TEX11: variants seen among roughly 807,000 people sequenced by gnomAD.
TEX11 encodes testis-expressed protein 11.
A neutral mutation model predicts 84.4 loss-of-function variants in TEX11; 7 were observed. The ratio of observed to expected loss-of-function variants is 0.08; its 90% CI spans 0.05 to 0.16. TEX11 has a LOEUF of 0.16. TEX11 is among the 10% of genes least tolerant of loss of function. The pLI, the probability that TEX11 is intolerant of heterozygous loss-of-function variation, is 1.00. For missense variants in TEX11, 551 were observed against 660.5 expected (o/e 0.83, Z 1.82); for synonymous variants, 264 against 222.8 (o/e 1.18, Z -1.64).
chrX:70,650,684 T>A (rs1327482063), intron 17 of TEX11, among the ~76,000 whole-genome samples: 15 of 111,818 alleles, frequency 1.3e-4, no homozygotes. Context: ...CCTTTGTACG[T>A]AGTAGGTGTC....
At chrX:70,616,840 T>C (rs985059419) in intron 20 of TEX11, among the ~76,000 whole-genome samples, 2 of 110,912 alleles carry the variant, frequency 1.8e-5, no homozygotes, top group African/African-American at 6.6e-5. Context: ...ATTTAACTCA[T>C]GGAGATAGAG....
intron 9 of TEX11, among the ~76,000 whole-genome samples, chrX:70,772,466 A>T (rs2090977400): frequency 9.0e-6 from 1 of 110,758 alleles, no homozygotes; most frequent in African/African-American, 3.3e-5. Context: ...CCCAGCAGAT[A>T]TGGGAGGCTG....
At chrX:70,616,375 G>A (rs1013537186) in intron 20 of TEX11, among the ~76,000 whole-genome samples, 1 of 111,566 alleles carries the variant, frequency 9.0e-6, no homozygotes, top group African/African-American at 3.3e-5. Flanking sequence ...TAAGTCATCA[G>A]ATTAAAATAA....
chrX:70,903,345 C>G (rs1201584520), intron 2 of TEX11, among the ~76,000 whole-genome samples: 1 of 110,871 alleles, frequency 9.0e-6, no homozygotes. Context: ...AAACAACTGG[C>G]AGCACAGTAG....
chrX:70,720,419 AAT>A (rs1328229529), intron 13 of TEX11, among the ~76,000 whole-genome samples: 1 of 110,532 alleles, frequency 9.0e-6, no homozygotes, highest in Non-Finnish European at 1.9e-5. Context: ...ACCTAATGTA[AAT>A]GAGGAGTTAA....
chrX:70,584,284 C>T (rs1478795771), intron 25 of TEX11, among the ~76,000 whole-genome samples: 25 of 93,424 alleles, frequency 2.7e-4, no homozygotes, highest in African/African-American at 1.0e-3. Context: ...AGCGAGACTC[C>T]GTCTCAAAAA....
chrX:70,706,002 T>G (rs991704467), intron 13 of TEX11, among the ~76,000 whole-genome samples: 1 of 111,204 alleles, frequency 9.0e-6, no homozygotes, highest in African/African-American at 3.3e-5. Context: ...TAAAGACACA[T>G]GCACACATAT....
intron 25 of TEX11, among the ~76,000 whole-genome samples, chrX:70,570,204 A>C (rs1283452764): frequency 8.9e-6 from 1 of 111,739 alleles, no homozygotes; most frequent in Non-Finnish European, 1.9e-5. Flanking sequence ...ATAGGACCCT[A>C]CGAGCCAGGT....
the TEX11 span, among the ~76,000 whole-genome samples, chrX:70,512,950 T>C: frequency 1.8e-5 from 2 of 109,221 alleles, no homozygotes; most frequent in African/African-American, 3.4e-5. Context: ...AAAGGGGACA[T>C]GGAAATGATC....
At chrX:70,821,865 A>G (rs1172481235) in intron 8 of TEX11, among the ~76,000 whole-genome samples, 1 of 111,402 alleles carries the variant, frequency 9.0e-6, no homozygotes, top group Non-Finnish European at 1.9e-5. Flanking sequence ...TAGGAAGGTT[A>G]ATAAAAAATA....
At chrX:70,743,600 G>T (rs2090747509) in intron 10 of TEX11, among the ~76,000 whole-genome samples, 1 of 111,212 alleles carries the variant, frequency 9.0e-6, no homozygotes. Flanking sequence ...ACTAGGCCAG[G>T]CACGGTAGCT....
At chrX:70,842,880 T>C (rs1159918245) in intron 7 of TEX11, among the ~76,000 whole-genome samples, 2 of 111,465 alleles carry the variant, frequency 1.8e-5, no homozygotes, top group African/African-American at 6.5e-5. Flanking sequence ...CCATTCACAA[T>C]TGCTTCAAAG....
chrX:70,836,355 C>A, intron 7 of TEX11, among the ~76,000 whole-genome samples: 1 of 111,352 alleles, frequency 9.0e-6, no homozygotes, highest in Non-Finnish European at 1.9e-5. Context: ...AAACTGTATT[C>A]TGTGACCCTA....
At chrX:70,713,036 C>T (rs1395563401) in intron 13 of TEX11, among the ~76,000 whole-genome samples, 7 of 111,865 alleles carry the variant, frequency 6.3e-5, no homozygotes, top group East Asian at 2.8e-4. Context: ...TTTTCTGCAT[C>T]TATTGAGATA....
chrX:70,897,263 T>C (rs2091774023), intron 2 of TEX11, among the ~76,000 whole-genome samples: 1 of 97,151 alleles, frequency 1.0e-5, no homozygotes, highest in African/African-American at 3.7e-5. Context: ...CTCTTGGTGA[T>C]AGTGTTGCTA....
At chrX:70,823,505 T>C (rs1382112233) in intron 8 of TEX11, among the ~76,000 whole-genome samples, 1 of 111,401 alleles carries the variant, frequency 9.0e-6, no homozygotes, top group Non-Finnish European at 1.9e-5. Flanking sequence ...TATCAAAACA[T>C]CAAGTTGTTC....
At chrX:70,535,773 G>GT (rs1307477395) in intron 28 of TEX11, among the ~76,000 whole-genome samples, 1,136 of 101,299 alleles carry the variant, frequency 0.011, 11 homozygotes, top group East Asian at 0.032. Context: ...AAACTTATGG[G>GT]TTTTTTTTTT....
At chrX:70,821,714 C>A (rs756773139) in intron 8 of TEX11, among the ~76,000 whole-genome samples, 1 of 111,940 alleles carries the variant, frequency 8.9e-6, no homozygotes, top group East Asian at 2.8e-4. Context: ...CAAATCAACA[C>A]CACGATGGGA....
chrX:70,899,048 C>T (rs1050416287), intron 2 of TEX11, among the ~76,000 whole-genome samples: 4 of 112,087 alleles, frequency 3.6e-5, no homozygotes, highest in Non-Finnish European at 5.6e-5. Context: ...GGGATATTTC[C>T]TAATAACTCT....
Sources: allele counts gnomAD v4.1 joint callset (sites outside exome capture counted in the v4.1 genomes callset), GRCh38; gene constraint gnomAD v4.1.1; transcripts MANE v1.5; gene names NCBI Gene and HGNC (gene_info 2026-07-23, HGNC 2026-07-21).